The following CNTN5 variants were observed in gnomAD, a reference collection of about 807,000 sequenced individuals.
The protein encoded by CNTN5 is contactin-5.
A neutral mutation model predicts 129.1 loss-of-function variants in CNTN5; 77 were observed. That is an observed-to-expected ratio of 0.60 (90% CI 0.50 to 0.72). The LOEUF is 0.72. CNTN5 is among the 30% of genes least tolerant of loss of function. CNTN5 has a pLI of 0.00. For missense variants in CNTN5, 1,478 were observed against 1,328.8 expected (o/e 1.11, Z -1.75); for synonymous variants, 509 against 465.6 (o/e 1.09, Z -1.20).
chr11:99,726,864 A>G (rs187521837), intron 3 of CNTN5, among the ~76,000 whole-genome samples: 54 of 152,290 alleles, frequency 3.5e-4, no homozygotes, highest in African/African-American at 1.3e-3. Flanking sequence ...AAAATTTGTG[A>G]TGATATCCTG....
chr11:99,212,274 C>T (rs1363040029), intron 1 of CNTN5, among the ~76,000 whole-genome samples: 1 of 152,178 alleles, frequency 6.6e-6, no homozygotes, highest in East Asian at 1.9e-4. Flanking sequence ...GATGCTTCTT[C>T]TCCATCCTAA....
intron 2 of CNTN5, among the ~76,000 whole-genome samples, chr11:99,511,116 T>C (rs1288623775): frequency 6.6e-6 from 1 of 152,126 alleles, no homozygotes; most frequent in East Asian, 1.9e-4. Context: ...GAAAAGAACA[T>C]AAAGAAAAAT....
chr11:99,446,102 C>A (rs112624072), intron 2 of CNTN5, among the ~76,000 whole-genome samples: 2,334 of 117,968 alleles, frequency 0.02, 34 homozygotes, highest in East Asian at 0.12. Context: ...AAAAAAAAAA[C>A]AACCAAACTT....
intron 6 of CNTN5, among the ~76,000 whole-genome samples, chr11:99,846,958 C>A (rs1455827932): frequency 6.6e-6 from 1 of 152,046 alleles, no homozygotes; most frequent in African/African-American, 2.4e-5. Context: ...TATCACAGAA[C>A]CTAATACTTT....
chr11:99,960,679 A>G (rs570918311), intron 8 of CNTN5, among the ~76,000 whole-genome samples: 10 of 152,302 alleles, frequency 6.6e-5, no homozygotes, highest in Non-Finnish European at 1.3e-4. Flanking sequence ...TACAAAAACA[A>G]TTAGTAGTTT....
At chr11:100,308,178 G>T (rs187820690) in intron 20 of CNTN5, among the ~76,000 whole-genome samples, 181 bp from the exon 21 acceptor site, 93 of 151,862 alleles carry the variant, frequency 6.1e-4, no homozygotes, top group Admixed American at 1.8e-3. Context: ...GTATTGATGA[G>T]ATTTGACCCA....
intron 20 of CNTN5, among the ~76,000 whole-genome samples, chr11:100,300,615 A>G (rs905726122): frequency 7.3e-5 from 11 of 151,580 alleles, no homozygotes; most frequent in African/African-American, 2.4e-4. Context: ...ATATTTAAAA[A>G]CAAAGATAAT....
rs925893343 is a variant in CNTN5, at chr11:99,703,061, A to G, written c.56-116483A>G. On this transcript the variant is annotated intron_variant, in intron 3 of 24. Coordinates refer to ENST00000524871, the MANE Select transcript of CNTN5 (RefSeq NM_014361.4). ...GACACAGGAAGAATTTTTCTTCTATATAATAAATGAAAATGTCAACTTCAA... is the reference window on the plus strand; with the variant it reads ...GACACAGGAAGAATTTTTCTTCTATGTAATAAATGAAAATGTCAACTTCAA... Among the ~76,000 whole-genome samples the G allele has an allele frequency of 3.3e-5, 5 of 151,020 alleles. No homozygotes were observed. The South Asian group carries it at 6.2e-4, about 19-fold the overall frequency.
intron 2 of CNTN5, among the ~76,000 whole-genome samples, chr11:99,401,140 C>CA (rs1236364320): frequency 6.6e-6 from 1 of 151,958 alleles, no homozygotes; most frequent in Non-Finnish European, 1.5e-5. Context: ...GGGTATTACT[C>CA]AAAAAATCTT....
At position 99,228,240 on chromosome 11, in the gene CNTN5, C is replaced by T. The variant is rs367712576; in HGVS notation, c.-209-97106C>T. Among the ~76,000 whole-genome samples, 275 of 152,076 alleles carry T rather than the reference C, an allele frequency of 1.8e-3. 1 individual carries two copies. Among genetic ancestry groups the T allele is most frequent in the Non-Finnish European group, 3.3e-3 (225 of 67,966 alleles). On this transcript the variant is annotated intron_variant, in intron 1 of 24. Transcript: ENST00000524871. ...AATATAAGTTCCTAATGTGAACTTC[C>T]TTATCCAAAAGTTGATTTATGCAGG...
intron 3 of CNTN5, among the ~76,000 whole-genome samples, chr11:99,582,167 T>G (rs552830912): frequency 1.1e-4 from 16 of 152,326 alleles, no homozygotes; most frequent in East Asian, 7.7e-4. Context: ...ACTCTCTTCT[T>G]GCTTGTAGAG....
At chr11:99,284,067 C>T (rs1344515930) in intron 1 of CNTN5, among the ~76,000 whole-genome samples, 1 of 152,104 alleles carries the variant, frequency 6.6e-6, no homozygotes, top group Non-Finnish European at 1.5e-5. Flanking sequence ...TAGCAATTGA[C>T]TCTATACACA....
intron 3 of CNTN5, among the ~76,000 whole-genome samples, chr11:99,759,953 G>T (rs193230400): frequency 6.6e-6 from 1 of 152,010 alleles, no homozygotes; most frequent in South Asian, 2.1e-4. Context: ...TGAGGCCTAT[G>T]GGGGTGGAGT....
chr11:100,307,260 G>T (rs150300601), intron 20 of CNTN5, among the ~76,000 whole-genome samples: 3 of 151,508 alleles, frequency 2.0e-5, no homozygotes, highest in Non-Finnish European at 4.4e-5. Context: ...CATAGATGAA[G>T]CTCAACTCTA....
chr11:99,705,433 T>G (rs1954713239), intron 3 of CNTN5, among the ~76,000 whole-genome samples: 1 of 151,402 alleles, frequency 6.6e-6, no homozygotes, highest in Non-Finnish European at 1.5e-5. Flanking sequence ...TACATGCCCC[T>G]GATAAATTCA....
chr11:99,515,149 A>G (rs1031184260), intron 2 of CNTN5, among the ~76,000 whole-genome samples: 5 of 152,102 alleles, frequency 3.3e-5, no homozygotes, highest in African/African-American at 1.2e-4. Context: ...CAGTATGTAT[A>G]TTTATACATA....
chr11:100,224,035 A>G (rs928380716), intron 15 of CNTN5, among the ~76,000 whole-genome samples: 2 of 152,122 alleles, frequency 1.3e-5, no homozygotes, highest in Admixed American at 6.6e-5. Context: ...CTGTGTTCTA[A>G]TCATCTTGCC....
chr11:99,830,347 T>C (rs1407860393), intron 4 of CNTN5, among the ~76,000 whole-genome samples: 1 of 152,188 alleles, frequency 6.6e-6, no homozygotes, highest in Non-Finnish European at 1.5e-5. Flanking sequence ...TTCTGACAAT[T>C]GGATGATTCC....
chr11:100,109,331 C>T (rs528941805), intron 13 of CNTN5, among the ~76,000 whole-genome samples: 1 of 152,278 alleles, frequency 6.6e-6, no homozygotes, highest in African/African-American at 2.4e-5. Flanking sequence ...GAGGCTGAGG[C>T]AGGCGAATCG....
Sources: allele counts gnomAD v4.1 joint callset (sites outside exome capture counted in the v4.1 genomes callset), GRCh38; gene constraint gnomAD v4.1.1; transcripts MANE v1.5; gene names NCBI Gene and HGNC (gene_info 2026-07-23, HGNC 2026-07-21).